The following TRPM3 variants were observed in gnomAD, a reference collection of about 807,000 sequenced individuals.
TRPM3 encodes transient receptor potential cation channel subfamily M member 3, also known as long transient receptor potential channel 3.
Under a neutral mutation model 181.2 loss-of-function variants are expected in TRPM3, and 77 were observed. The ratio of observed to expected loss-of-function variants is 0.42; its 90% CI spans 0.35 to 0.51. TRPM3 has a LOEUF of 0.51. Ranked by LOEUF, TRPM3 falls within the 20% of genes least tolerant of loss-of-function variation. The pLI is 0.01. For missense variants in TRPM3, 1,759 were observed against 2,196.7 expected (o/e 0.80, Z 3.98); for synonymous variants, 745 against 796.4 (o/e 0.94, Z 1.09).
At chr9:70,761,792 CA>C (rs1288405561) in intron 7 of TRPM3, 68 bp from the exon 8 acceptor site, 1 of 1,539,454 alleles carries the variant, frequency 6.5e-7, no homozygotes, top group Non-Finnish European at 8.8e-7. Context: ...CTGAGAAATA[CA>C]GAGCTCAAGA....
chr9:71,111,845 T>G (rs1445112406), intron 1 of TRPM3, among the ~76,000 whole-genome samples: 1 of 152,244 alleles, frequency 6.6e-6, no homozygotes, highest in Non-Finnish European at 1.5e-5. Context: ...TCCAGCCACA[T>G]GTATTATTGA....
At chr9:71,138,889 A>G (rs528849293) in intron 1 of TRPM3, among the ~76,000 whole-genome samples, 82 of 152,160 alleles carry the variant, frequency 5.4e-4, no homozygotes, top group African/African-American at 1.8e-3. Context: ...CTATTTTTCC[A>G]CTTACAAACA....
intron 22 of TRPM3, among the ~76,000 whole-genome samples, chr9:70,585,213 G>C (rs2095868531): frequency 6.6e-6 from 1 of 152,224 alleles, no homozygotes; most frequent in South Asian, 2.1e-4. Context: ...CCTGGCAAAA[G>C]TCACCAGTGA....
chr9:70,999,821 C>T (rs11142667), intron 1 of TRPM3, among the ~76,000 whole-genome samples: 49,911 of 152,016 alleles, frequency 0.33, 8,969 homozygotes, highest in Middle Eastern at 0.43. Context: ...CTAAAATATC[C>T]ACACAGGGAG....
At chr9:70,803,998 C>A (rs1447918915) in intron 6 of TRPM3, among the ~76,000 whole-genome samples, 1 of 152,082 alleles carries the variant, frequency 6.6e-6, no homozygotes, top group Non-Finnish European at 1.5e-5. Context: ...CTCTAGGAGA[C>A]TAGGACTGCC....
chr9:70,676,110 C>T (rs2063944141), intron 9 of TRPM3, among the ~76,000 whole-genome samples: 2 of 152,338 alleles, frequency 1.3e-5, no homozygotes, highest in African/African-American at 4.8e-5. Context: ...TTTTGGCACT[C>T]TCTTTTAGCT....
chr9:70,958,026 T>C (rs2097097065), intron 1 of TRPM3, among the ~76,000 whole-genome samples: 1 of 152,218 alleles, frequency 6.6e-6, no homozygotes. Flanking sequence ...AAATTAGACA[T>C]GGAACCTTGC....
intron 1 of TRPM3, among the ~76,000 whole-genome samples, chr9:71,366,379 G>C (rs2092335729): frequency 6.6e-6 from 1 of 152,152 alleles, no homozygotes; most frequent in African/African-American, 2.4e-5. Flanking sequence ...CTTGGAATAT[G>C]CATTGGCCAA....
chr9:71,033,786 A>G (rs1258033425), intron 1 of TRPM3, among the ~76,000 whole-genome samples: 8 of 152,112 alleles, frequency 5.3e-5, no homozygotes, highest in Non-Finnish European at 1.2e-4. Flanking sequence ...TTTGATAATA[A>G]TTTGCGTGCA....
At chr9:70,640,687 A>G (rs2057928933) in intron 9 of TRPM3, 27 bp from the exon 10 acceptor site, 2 of 1,576,430 alleles carry the variant, frequency 1.3e-6, no homozygotes, top group Non-Finnish European at 1.7e-6. Context: ...GGGAGAAAAG[A>G]GTGGAAGAGA....
At chr9:71,287,140 A>T (rs1045463588) in intron 1 of TRPM3, among the ~76,000 whole-genome samples, 10 of 146,576 alleles carry the variant, frequency 6.8e-5, no homozygotes, top group South Asian at 2.1e-4. Flanking sequence ...TATAATAAAA[A>T]TATATAAATA....
In TRPM3 at chr9:71,332,186, A is replaced by G. The variant is rs1052199224; in HGVS notation, c.183+114467T>C. Among the ~76,000 whole-genome samples, 6 of 151,832 alleles carry G rather than the reference A, an allele frequency of 4.0e-5. 1 individual carries two copies. The highest frequency in any genetic ancestry group is 7.4e-5 in the Non-Finnish European group (5 of 67,952). On this transcript the variant is annotated intron_variant, in intron 1 of 24. Coordinates refer to the TRPM3 transcript ENST00000357533. ...ATATTCAAATCTTGGATGATTTTAA[A>G]ATATACTTTAGAATTTTGCTGCACT...
At chr9:70,574,211 T>C (rs2053308152) in intron 22 of TRPM3, among the ~76,000 whole-genome samples, 1 of 152,154 alleles carries the variant, frequency 6.6e-6, no homozygotes, top group South Asian at 2.1e-4. Flanking sequence ...TAGGAGAACA[T>C]TCAAATCCTT....
At chr9:70,652,029 A>G (rs990661932) in intron 9 of TRPM3, among the ~76,000 whole-genome samples, 1 of 152,192 alleles carries the variant, frequency 6.6e-6, no homozygotes, top group African/African-American at 2.4e-5. Context: ...GTTGCTGAGC[A>G]AGGAGGAATA....
chr9:71,014,379 A>C (rs896867708), intron 1 of TRPM3, among the ~76,000 whole-genome samples: 1 of 151,964 alleles, frequency 6.6e-6, no homozygotes, highest in Admixed American at 6.5e-5. Context: ...TTGTGGTGCA[A>C]ACTTTGATAT....
In TRPM3 at chr9:71,393,510, T is replaced by C. The variant is rs1458612007; in HGVS notation, c.183+53143A>G. Among the ~76,000 whole-genome samples the C allele has an allele frequency of 2.0e-5, 3 of 152,176 alleles. No individual in the cohort carries two copies. The Middle Eastern group carries it at 0.01, about 518-fold the overall frequency. The stretch of plus-strand genomic sequence containing the variant: ...GAGGATGGAATACCAAACAGAAAGA[T>C]GAAAACACCTGAAGGAAAAGTTAGA... On this transcript the variant is annotated intron_variant, in intron 1 of 24. Transcript: ENST00000357533.
chr9:71,279,661 C>T (rs773417591), intron 1 of TRPM3, among the ~76,000 whole-genome samples: 1 of 152,124 alleles, frequency 6.6e-6, no homozygotes, highest in Non-Finnish European at 1.5e-5. Flanking sequence ...CCCAAGCAGG[C>T]TCAGAGGACA....
intron 1 of TRPM3, among the ~76,000 whole-genome samples, chr9:70,932,280 G>T (rs1181130941): frequency 6.6e-6 from 1 of 152,178 alleles, no homozygotes; most frequent in Admixed American, 6.5e-5. Flanking sequence ...GAGTGGGGAA[G>T]AGGGCCTTCG....
chr9:70,564,117 A>G (rs1454997140), intron 22 of TRPM3, among the ~76,000 whole-genome samples: 4 of 152,190 alleles, frequency 2.6e-5, no homozygotes, highest in Admixed American at 2.0e-4. Context: ...GGTTAGAAGA[A>G]TGGAAATAAT....
Sources: allele counts gnomAD v4.1 joint callset (sites outside exome capture counted in the v4.1 genomes callset), GRCh38; gene constraint gnomAD v4.1.1; transcripts MANE v1.5; gene names NCBI Gene and HGNC (gene_info 2026-07-23, HGNC 2026-07-21).